The following ZNF785 variants were observed in gnomAD, a reference collection of about 807,000 sequenced individuals.
ZNF785 encodes the protein zinc finger protein 785.
Under a neutral mutation model 11.3 loss-of-function variants are expected in ZNF785, and 15 were observed. The observed-to-expected ratio is 1.32, with a 90% CI of 0.89 to 2.04. ZNF785 has a LOEUF of 2.04. Among genes scored for constraint, ZNF785 ranks in the 30% most tolerant of loss-of-function variants. ZNF785 has a pLI of 0.00. For missense variants in ZNF785, 572 were observed against 560.9 expected (o/e 1.02, Z -0.20); for synonymous variants, 221 against 231.0 (o/e 0.96, Z 0.39).
At position 30,585,595 on chromosome 16, in the gene ZNF785, G is replaced by GCCAGGGGCGGCC; in HGVS notation, c.5_16dup (p.Gly2_Leu5dup). On this transcript the variant is annotated inframe_insertion, in exon 1 of 3. Coordinates refer to ENST00000395216, the MANE Select transcript of ZNF785 (RefSeq NM_152458.7). This position sits in a 1 kb window ranked among gnomAD's most constrained non-coding sequence, Gnocchi z 4.0. ...CCCGGGTACGTGGGCCGGGCGCGGC[G>GCCAGGGGCGGCC]CCAGGGGCGGCCCCATGGGAAACCC... is the stretch of plus-strand genomic sequence containing the variant. 6.6e-7 allele frequency: 1 copy of GCCAGGGGCGGCC among 1,506,252 alleles called. No homozygotes were observed. Among genetic ancestry groups the GCCAGGGGCGGCC allele is most frequent in the Non-Finnish European group, 8.8e-7 (1 of 1,133,508 alleles). 93.3% of individuals were successfully genotyped at this position (1,506,252 alleles called of 1,614,324 possible). A position where few individuals can be genotyped will look rare whatever the true frequency, so the allele number is the denominator to read the frequency against.
rs760971608 is a variant in ZNF785 at position 30,582,960 on chromosome 16, A to G, written c.818T>C (p.Ile273Thr). The stretch of plus-strand genomic sequence containing the variant: ...CTCGCCCGTGTGCTTGCGCTGGTGG[A>G]TGGCCAGCAGGTAGGGGTAAGTGAA... The part of the protein sequence containing the change: ...SRFTYPYLLA[I>T]HQRKHTGEKP... The change falls in exon 3 of 3, where the codon ATC becomes ACC. Residue 273 changes from isoleucine (I) to threonine (T), a missense_variant. Transcript: ENST00000395216. 1.4e-5 allele frequency: 23 copies of G among 1,612,798 alleles called. No individual in the cohort carries two copies. Among genetic ancestry groups the G allele is most frequent in the Non-Finnish European group, 1.7e-5 (20 of 1,179,708 alleles).
Position 30,585,130 on chromosome 16 carries a change from T to C in ZNF785, c.326A>G (p.Gln109Arg), listed in dbSNP as rs775928333. The change falls in exon 2 of 3, where the codon CAG becomes CGG. Residue 109 changes from glutamine to arginine, a missense_variant. Coordinates refer to ENST00000395216, the MANE Select transcript of ZNF785 (RefSeq NM_152458.7). The surrounding 1 kb of genome is among the most constrained non-coding windows in gnomAD (Gnocchi z 4.0). ...TTATCCAAATGAAGTACCTGCTTCCTGTCCTTGGCCCCTGCTGAAAGCTGC... is the reference window on the plus strand; with the variant it reads ...TTATCCAAATGAAGTACCTGCTTCCCGTCCTTGGCCCCTGCTGAAAGCTGC... ...SSAAFSRGQG[Q>R]EAGSRDGNEE... 6.2e-7 allele frequency: 1 copy of C among 1,609,110 alleles called. No individual in the cohort carries two copies. Among genetic ancestry groups the C allele is most frequent in the African/African-American group, 1.3e-5 (1 of 74,898 alleles).
rs375786913 is a variant in ZNF785 at position 30,583,015 on chromosome 16, G to C, written c.763C>G (p.Pro255Ala). ...IHRRAHTGEK[P>A]YACSDCKSRF... ...CTCTTGCAGTCTGAGCACGCGTAAG[G>C]CTTCTCCCCGGTGTGAGCCCGCCTG... is the stretch of plus-strand genomic sequence containing the variant. The change falls in exon 3 of 3, where the codon CCT becomes GCT. Residue 255 changes from proline to alanine, a missense_variant. Coordinates refer to ENST00000395216, the MANE Select transcript of ZNF785 (RefSeq NM_152458.7). The C allele has an allele frequency of 6.2e-7, 1 of 1,614,006 alleles. No homozygotes were observed. The highest frequency in any genetic ancestry group is 8.5e-7 in the Non-Finnish European group (1 of 1,179,986).
At position 30,582,708 on chromosome 16, in the gene ZNF785, G is replaced by A. The variant is rs1567519485; in HGVS notation, c.1070C>T (p.Ala357Val). The A allele has an allele frequency of 2.5e-6, 4 of 1,613,440 alleles. No individual in the cohort carries two copies. The highest frequency in any genetic ancestry group is 3.4e-6 in the Non-Finnish European group (4 of 1,179,702). Residue 357 changes from alanine to valine, a missense_variant, in exon 3 of 3, where the codon GCC (alanine) becomes GTC (valine). Transcript: ENST00000395216. ...GCAGGAGCGGTGGATCCACCGATGG[G>A]CTTCCAGGGCGGTCTTGCGCTTGAA... ...KGFKRKTALE[A>V]HRWIHRSCSE... is the part of the protein sequence containing the mutation.
chr16:30,583,115 G>T lies in ZNF785; in HGVS notation c.663C>A (p.Ile221=). The T allele has an allele frequency of 6.2e-7, 1 of 1,614,134 alleles. No homozygotes were observed. The highest frequency in any genetic ancestry group is 8.5e-7 in the Non-Finnish European group (1 of 1,180,010). ...QRRYLLQHQF[I]HTGEKPYPCP... ...AGGGGTAGGGCTTCTCGCCGGTGTG[G>T]ATGAACTGATGCTGGAGCAGGTACC... Residue 221 remains isoleucine, a synonymous_variant, in exon 3 of 3, where the codon ATC becomes ATA. Coordinates refer to ENST00000395216, the MANE Select transcript of ZNF785 (RefSeq NM_152458.7).
rs1223464511 is a variant in ZNF785, at chr16:30,581,499, C to T, written c.*1061G>A. On this transcript the variant is annotated 3_prime_UTR_variant, in exon 3 of 3. Transcript: ENST00000395216. The stretch of plus-strand genomic sequence containing the variant: ...AAAAAAGAATCCTCCGGCATTATAT[C>T]TCCAGCTACTGTGGCCCAAGAATAT... 6.7e-6 allele frequency: 1 copy of T among 150,342 alleles called. No homozygotes were observed. Among genetic ancestry groups the T allele is most frequent in the African/African-American group, 2.4e-5 (1 of 40,954 alleles). 9.3% of individuals were successfully genotyped at this position (150,342 alleles called of 1,614,324 possible). A position where few individuals can be genotyped will look rare whatever the true frequency, so the allele number is the denominator to read the frequency against.
At chr16:30,583,561 A>G in intron 2 of ZNF785, 118 bp from the exon 3 acceptor site, 1 of 1,381,320 alleles carries the variant, frequency 7.2e-7, no homozygotes, top group African/African-American at 1.4e-5. Context: ...GGCAGCAGGA[A>G]TGGTTCAGAA....
At position 30,583,323 on chromosome 16, in the gene ZNF785, T is replaced by A. The variant is rs2051847185; in HGVS notation, c.455A>T (p.Asn152Ile). 1 of 1,613,926 alleles carries A rather than the reference T, an allele frequency of 6.2e-7. No homozygotes were observed. The highest frequency in any genetic ancestry group is 1.7e-4 in the Middle Eastern group (1 of 6,060). ...WPSVACPEFC[N>I]PRQSPMNPWL... The stretch of plus-strand genomic sequence containing the variant: ...GGGATTCATGGGGCTCTGCCTAGGG[T>A]TGCAGAACTCTGGGCAGGCGACGCT... The change falls in exon 3 of 3, where the codon AAC (asparagine) becomes ATC (isoleucine). Residue 152 changes from asparagine to isoleucine, a missense_variant. Asn to Ile is a moderately radical substitution (Grantham distance 149, BLOSUM62 -3). Coordinates refer to ENST00000395216, the MANE Select transcript of ZNF785 (RefSeq NM_152458.7).
chr16:30,585,533 C>T lies in ZNF785; in HGVS notation c.79G>A (p.Gly27Ser). ...GPRRTRESRP[G>S]AVSFADVAVY... ...GCCACGTCCGCGAAGCTCACGGCGCCCGGCCTGCTTTCCCTCGTCCTCCGG... is the reference window on the plus strand; with the variant it reads ...GCCACGTCCGCGAAGCTCACGGCGCTCGGCCTGCTTTCCCTCGTCCTCCGG... The change falls in exon 1 of 3, where the codon GGC becomes AGC. Residue 27 changes from glycine (G) to serine (S), a missense_variant. Coordinates refer to ENST00000395216, the MANE Select transcript of ZNF785 (RefSeq NM_152458.7). The surrounding 1 kb of genome is among the most constrained non-coding windows in gnomAD (Gnocchi z 4.0). 6.3e-7 allele frequency: 1 copy of T among 1,582,678 alleles called. No individual in the cohort carries two copies.
chr16:30,582,447 C>T lies in ZNF785; in HGVS notation c.*113G>A. 6.9e-7 allele frequency: 1 copy of T among 1,453,404 alleles called. No individual in the cohort carries two copies. The highest frequency in any genetic ancestry group is 9.3e-7 in the Non-Finnish European group (1 of 1,079,642). The allele number at this position is 1,453,404 out of a possible 1,614,324, so 90.0% of individuals were successfully genotyped here. ...CTGTGCCCCTACCTCTGCTTTTTAC[C>T]TAAGGCAGAACTTTGTTTTCCTCAA... is the stretch of plus-strand genomic sequence containing the variant. On this transcript the variant is annotated 3_prime_UTR_variant, in exon 3 of 3. Coordinates refer to ENST00000395216, the MANE Select transcript of ZNF785 (RefSeq NM_152458.7).
Position 30,581,452 on chromosome 16 carries a change from T to C in ZNF785, c.*1108A>G, listed in dbSNP as rs2051807790. The C allele has an allele frequency of 7.7e-6, 1 of 129,848 alleles. No homozygotes were observed. The highest frequency in any genetic ancestry group is 3.0e-5 in the African/African-American group (1 of 33,396). The allele number at this position is 129,848 out of a possible 1,614,324, so 8.0% of individuals were successfully genotyped here. Reference sequence around the variant, plus strand: ...TCCAGCCCAGGCAATAGAGACAGACTCTGTCTCAAAAAAAAAAAAAAAAAA... The same window carrying C: ...TCCAGCCCAGGCAATAGAGACAGACCCTGTCTCAAAAAAAAAAAAAAAAAA... On this transcript the variant is annotated 3_prime_UTR_variant, in exon 3 of 3. Coordinates refer to ENST00000395216, the MANE Select transcript of ZNF785 (RefSeq NM_152458.7).
In ZNF785 at chr16:30,582,861, T is replaced by C; in HGVS notation, c.917A>G (p.His306Arg). Residue 306 changes from histidine to arginine, a missense_variant, in exon 3 of 3, where the codon CAC (histidine) becomes CGC (arginine). Transcript: ENST00000395216. ...ACAGGGGTAGGGCTTCTCGCCGGTG[T>C]GTATGCGCCTGTGGATGGCCAGCAG... ...TSLLAIHRRIHTGEKPYPCPD... is the reference protein window; with the variant it reads ...TSLLAIHRRIRTGEKPYPCPD... 6.2e-7 allele frequency: 1 copy of C among 1,612,520 alleles called. No individual in the cohort carries two copies. The highest frequency in any genetic ancestry group is 8.5e-7 in the Non-Finnish European group (1 of 1,179,200).
Position 30,582,967 on chromosome 16 carries a change from G to T in ZNF785, c.811C>A (p.Leu271Met), listed in dbSNP as rs1450281867. 6.2e-7 allele frequency: 1 copy of T among 1,614,056 alleles called. No individual in the cohort carries two copies. Among genetic ancestry groups the T allele is most frequent in the African/African-American group, 1.3e-5 (1 of 74,922 alleles). Residue 271 changes from leucine (L) to methionine (M), a missense_variant, in exon 3 of 3, where the codon CTG becomes ATG. Physicochemically the swap from Leu to Met is conservative, Grantham distance 15 (BLOSUM62 2). Transcript: ENST00000395216. ...GTGTGCTTGCGCTGGTGGATGGCCA[G>T]CAGGTAGGGGTAAGTGAAGCGACTC... ...CKSRFTYPYLLAIHQRKHTGE... is the reference protein window; with the variant it reads ...CKSRFTYPYLMAIHQRKHTGE...
Position 30,583,536 on chromosome 16 carries a change from T to C in ZNF785, c.335-93A>G, listed in dbSNP as rs2051850897. ...TCAAAACCAGCATATTCCGGGACCA[T>C]GTCCTGCCTTGGAAGGCAGCAGGAA... On this transcript the variant is annotated intron_variant, in intron 2 of 2. Coordinates refer to ENST00000395216, the MANE Select transcript of ZNF785 (RefSeq NM_152458.7). 6 of 1,457,646 alleles carry C rather than the reference T, an allele frequency of 4.1e-6. No homozygotes were observed. In the Admixed American group the frequency reaches 6.9e-5, roughly 17 times the overall value. The allele number at this position is 1,457,646 out of a possible 1,614,324, so 90.3% of individuals were successfully genotyped here.
Position 30,580,986 on chromosome 16 carries a change from G to A in ZNF785, c.*1574C>T, listed in dbSNP as rs1567518411. On this transcript the variant is annotated 3_prime_UTR_variant, in exon 3 of 3. Coordinates refer to ENST00000395216, the MANE Select transcript of ZNF785 (RefSeq NM_152458.7). ...AATTGGAGACCAGCCTGGCCAACAT[G>A]GTGAAACCTGTCTCTAGTAAAAATG... The A allele has an allele frequency of 6.6e-6, 1 of 151,958 alleles. No individual in the cohort carries two copies. Among genetic ancestry groups the A allele is most frequent in the African/African-American group, 2.4e-5 (1 of 41,378 alleles). The allele number at this position is 151,958 out of a possible 1,614,324, so 9.4% of individuals were successfully genotyped here. A position where few individuals can be genotyped will look rare whatever the true frequency, so the allele number is the denominator to read the frequency against.
intron 2 of ZNF785, 83 bp from the exon 3 acceptor site, chr16:30,583,526 T>G: frequency 2.0e-6 from 3 of 1,499,118 alleles, no homozygotes; most frequent in South Asian, 2.7e-5. Context: ...ACCAGCATAT[T>G]CCGGGACCAT....
downstream of ZNF785, chr16:30,579,219 T>A (rs117279805): frequency 1.1e-3 from 169 of 153,046 alleles, 1 homozygote; most frequent in East Asian, 7.3e-3. Flanking sequence ...GAGGGATGGA[T>A]AGGCAGATTG....
Position 30,583,073 on chromosome 16 carries a change from G to A in ZNF785, c.705C>T (p.Arg235=). Residue 235 remains arginine (R), a synonymous_variant, in exon 3 of 3, where the codon CGC becomes CGT. Transcript: ENST00000395216. Reference sequence around the variant, plus strand: ...CCAGGGAACCCCTCTGGCGGAAGCGGCGCCCGCAGTCGGGGCAGGGGTAGG... The same window carrying A: ...CCAGGGAACCCCTCTGGCGGAAGCGACGCCCGCAGTCGGGGCAGGGGTAGG... ...EKPYPCPDCG[R]RFRQRGSLAI... The A allele has an allele frequency of 6.2e-7, 1 of 1,614,066 alleles. No individual in the cohort carries two copies. The highest frequency in any genetic ancestry group is 8.5e-7 in the Non-Finnish European group (1 of 1,179,990).
Position 30,585,039 on chromosome 16 carries a change from A to C in ZNF785, c.334+83T>G. Reference sequence around the variant, plus strand: ...GCAGGGAGACAGGATGGGACTTTGGAGGGGGCAGCCTGCGCTGAGGATGTG... The same window carrying C: ...GCAGGGAGACAGGATGGGACTTTGGCGGGGGCAGCCTGCGCTGAGGATGTG... On this transcript the variant is annotated intron_variant, in intron 2 of 2. Transcript: ENST00000395216. This position sits in a 1 kb window ranked among gnomAD's most constrained non-coding sequence, Gnocchi z 4.0. The C allele has an allele frequency of 6.6e-7, 1 of 1,512,214 alleles. No individual in the cohort carries two copies. The highest frequency in any genetic ancestry group is 8.9e-7 in the Non-Finnish European group (1 of 1,126,392). 93.7% of individuals were successfully genotyped at this position (1,512,214 alleles called of 1,614,324 possible).
Sources: gnomAD v4.1 joint callset for allele counts on GRCh38, gnomAD v4.1.1 for gene constraint, Gnocchi (gnomAD v3.1) non-coding constraint, MANE v1.5 for transcripts, NCBI Gene and HGNC (gene_info 2026-07-23, HGNC 2026-07-21) for gene names.